Variants in MMP26 observed in about 807,000 individuals in gnomAD.
MMP26 encodes the protein matrix metallopeptidase 26.
In MMP26, 33 loss-of-function variants were observed where a neutral mutation model predicts 31.0. That is an observed-to-expected ratio of 1.06 (90% CI 0.81 to 1.42). The LOEUF (loss-of-function observed/expected upper bound fraction) is 1.42. Among genes scored for constraint, MMP26 ranks in the 40% most tolerant of loss-of-function variants. MMP26 has a pLI of 0.00. For synonymous variants in MMP26, 122 were observed against 114.9 expected (o/e 1.06, Z -0.40); for missense variants, 347 against 316.1 (o/e 1.10, Z -0.74).
chr11:4,785,541 T>C (rs1488844689), intron 2 of MMP26, among the ~76,000 whole-genome samples: 1 of 152,220 alleles, frequency 6.6e-6, no homozygotes. Context: ...ACTAGATTAT[T>C]TCTTTCTCAT....
At chr11:4,810,257 C>G (rs11034003) in intron 2 of MMP26, among the ~76,000 whole-genome samples, 1 of 151,460 alleles carries the variant, frequency 6.6e-6, no homozygotes, top group African/African-American at 2.4e-5. Flanking sequence ...AGTCGGAGTA[C>G]ATATATTTAT....
At chr11:4,800,073 T>C (rs1459686968) in intron 2 of MMP26, among the ~76,000 whole-genome samples, 1 of 152,160 alleles carries the variant, frequency 6.6e-6, no homozygotes, top group Non-Finnish European at 1.5e-5. Context: ...TATTCTGGGA[T>C]CTGGAGGGCA....
At chr11:4,765,750 T>C (rs1255345540) in intron 1 of MMP26, among the ~76,000 whole-genome samples, 1 of 152,218 alleles carries the variant, frequency 6.6e-6, no homozygotes, top group Non-Finnish European at 1.5e-5. Context: ...GCTGGTATCA[T>C]TTTCACAGCT....
At chr11:4,810,616 G>A (rs1450066611) in intron 2 of MMP26, among the ~76,000 whole-genome samples, 5 of 152,150 alleles carry the variant, frequency 3.3e-5, no homozygotes, top group Non-Finnish European at 7.4e-5. Flanking sequence ...GTTGAGCATC[G>A]ATTAGAGTAT....
chr11:4,892,175 T>A (rs1850634478), intron 2 of MMP26, among the ~76,000 whole-genome samples: 1 of 152,056 alleles, frequency 6.6e-6, no homozygotes, highest in Non-Finnish European at 1.5e-5. Context: ...CTATCATGAG[T>A]CATTCCTCTT....
At chr11:4,731,067 C>T (rs1033071058) in intron 1 of MMP26, among the ~76,000 whole-genome samples, 1 of 152,124 alleles carries the variant, frequency 6.6e-6, no homozygotes, top group African/African-American at 2.4e-5. Context: ...GCCTCAGCCT[C>T]TCGAGTAGCT....
At chr11:4,855,008 G>A (rs1268193697) in intron 2 of MMP26, among the ~76,000 whole-genome samples, 3 of 152,212 alleles carry the variant, frequency 2.0e-5, no homozygotes, top group Non-Finnish European at 4.4e-5. Context: ...GGTCCTGACT[G>A]TTAGAAGGAA....
chr11:4,912,411 A>G (rs796333384), intron 2 of MMP26, among the ~76,000 whole-genome samples: 2 of 152,204 alleles, frequency 1.3e-5, no homozygotes, highest in African/African-American at 4.8e-5. Context: ...GACTGAAATT[A>G]CAAGTGCACA....
chr11:4,879,537 C>G (rs184223612), intron 2 of MMP26, among the ~76,000 whole-genome samples: 1 of 152,042 alleles, frequency 6.6e-6, no homozygotes, highest in East Asian at 1.9e-4. Context: ...GGCTTGAGTA[C>G]CATTTCTGCA....
chr11:4,795,451 G>T (rs193060615), intron 2 of MMP26, among the ~76,000 whole-genome samples: 7 of 152,284 alleles, frequency 4.6e-5, no homozygotes, highest in Admixed American at 2.0e-4. Flanking sequence ...CAAGTGATTA[G>T]AAAATTGTCT....
intron 2 of MMP26, among the ~76,000 whole-genome samples, chr11:4,840,695 C>T (rs767825057): frequency 2.8e-4 from 42 of 152,038 alleles, no homozygotes; most frequent in Non-Finnish European, 5.1e-4. Context: ...AAAGCCATCC[C>T]AAGAAGGATG....
At chr11:4,895,962 A>G (rs1850695552) in intron 2 of MMP26, among the ~76,000 whole-genome samples, 1 of 152,288 alleles carries the variant, frequency 6.6e-6, no homozygotes, top group South Asian at 2.1e-4. Flanking sequence ...AATTTTCACA[A>G]CTTCTCCAAG....
At chr11:4,981,823 C>CT (rs966816405) in intron 2 of MMP26, among the ~76,000 whole-genome samples, 26 of 150,078 alleles carry the variant, frequency 1.7e-4, no homozygotes, top group Middle Eastern at 6.8e-3. Flanking sequence ...AAGTTTTTTT[C>CT]TTTTTTTTCT....
intron 2 of MMP26, among the ~76,000 whole-genome samples, chr11:4,939,890 G>A (rs905138661): frequency 1.9e-4 from 29 of 152,184 alleles, no homozygotes; most frequent in South Asian, 6.2e-4. Context: ...TTCTTAAGCC[G>A]TATACCTTGC....
intron 1 of MMP26, among the ~76,000 whole-genome samples, chr11:4,721,843 G>A (rs963724918): frequency 1.3e-5 from 2 of 152,172 alleles, no homozygotes; most frequent in Admixed American, 1.3e-4. Flanking sequence ...AGAGTTGGAG[G>A]AGACATTCTG....
chr11:4,974,896 C>T (rs528561441), intron 2 of MMP26, among the ~76,000 whole-genome samples: 6 of 152,018 alleles, frequency 3.9e-5, no homozygotes, highest in Admixed American at 3.9e-4. Context: ...TAAGTGGGAG[C>T]TGAACAAAGA....
intron 2 of MMP26, among the ~76,000 whole-genome samples, chr11:4,977,637 A>G (rs559301272): frequency 2.0e-5 from 3 of 152,248 alleles, no homozygotes; most frequent in African/African-American, 7.2e-5. Flanking sequence ...CACTTTCACC[A>G]AAAAACTTCA....
chr11:4,866,891 C>G (rs2133520856), intron 2 of MMP26, among the ~76,000 whole-genome samples: 1 of 152,184 alleles, frequency 6.6e-6, no homozygotes, highest in East Asian at 1.9e-4. Flanking sequence ...AGGCAGAAAA[C>G]TGAAACTGGA....
At chr11:4,872,479 A>T (rs55873063) in intron 2 of MMP26, among the ~76,000 whole-genome samples, 1,755 of 152,128 alleles carry the variant, frequency 0.012, 18 homozygotes, top group Non-Finnish European at 0.019. Flanking sequence ...CAAGAACTTT[A>T]TAGATCATTG....
Sources: allele counts gnomAD v4.1 joint callset (sites outside exome capture counted in the v4.1 genomes callset), GRCh38; gene constraint gnomAD v4.1.1; transcripts MANE v1.5; gene names NCBI Gene and HGNC (gene_info 2026-07-23, HGNC 2026-07-21).